The following PSMD11 variants were observed in gnomAD, a reference collection of about 807,000 sequenced individuals.
PSMD11 encodes 26S proteasome non-ATPase regulatory subunit 11.
Under a neutral mutation model 62.3 loss-of-function variants are expected in PSMD11, and 5 were observed. The ratio of observed to expected loss-of-function variants is 0.08; its 90% CI spans 0.04 to 0.17. PSMD11 has a LOEUF of 0.17. PSMD11 is among the 10% of genes least tolerant of loss of function. The probability of loss-of-function intolerance (pLI) is 1.00; values close to 1 mark genes in which losing one functional copy is unlikely to be tolerated. For missense variants in PSMD11, 310 were observed against 512.9 expected, an observed-to-expected ratio of 0.60 and a Z score of 3.82; for synonymous variants, 191 against 191.8, an observed-to-expected ratio of 1.00 and a Z score of 0.03.
Position 32,473,785 on chromosome 17 carries a change from T to C in PSMD11, c.644-16T>C. 6.2e-7 allele frequency: 1 copy of C among 1,612,670 alleles called. No homozygotes were observed. Among genetic ancestry groups the C allele is most frequent in the Non-Finnish European group, 8.5e-7 (1 of 1,178,818 alleles). On this transcript the variant is annotated splice_polypyrimidine_tract_variant and intron_variant, in intron 6 of 13. Transcript: ENST00000261712. ...ATTATTTTATATGTTCTTATTCCTT[T>C]CTTTTCAATGCCCAGGTATTATCCA...
At chr17:32,477,296 T>G (rs182185481) in intron 8 of PSMD11, 2 of 402,944 alleles carry the variant, frequency 5.0e-6, no homozygotes, top group African/African-American at 2.0e-5. Context: ...AATTTCTGTT[T>G]CCTAGTATTA....
intron 1 of PSMD11, among the ~76,000 whole-genome samples, chr17:32,446,512 TAACTTGGTC>T (rs1330357644): frequency 6.6e-6 from 1 of 152,206 alleles, no homozygotes; most frequent in Non-Finnish European, 1.5e-5. Flanking sequence ...CAGGCATCAG[TAACTTGGTC>T]AATTGATTTT....
chr17:32,445,084 G>C lies in PSMD11; in HGVS notation c.91+470G>C, dbSNP rs185708841. On this transcript the variant is annotated intron_variant, in intron 1 of 13. Coordinates refer to ENST00000261712, the MANE Select transcript of PSMD11 (RefSeq NM_002815.4). ...GCCTGCTCCGGGTGGGAGCGCGAGCGCTTGCTCTTCTCTGGGAGTTTCCTT... is the reference window on the plus strand; with the variant it reads ...GCCTGCTCCGGGTGGGAGCGCGAGCCCTTGCTCTTCTCTGGGAGTTTCCTT... The C allele has an allele frequency of 4.6e-3, 737 of 158,722 alleles. 5 individuals are homozygous for C. Among genetic ancestry groups the C allele is most frequent in the African/African-American group, 0.016 (649 of 41,684 alleles). 9.8% of individuals were successfully genotyped at this position (158,722 alleles called of 1,614,324 possible).
intron 2 of PSMD11, among the ~76,000 whole-genome samples, chr17:32,451,969 G>A (rs1597830935): frequency 6.6e-6 from 1 of 152,178 alleles, no homozygotes; most frequent in Admixed American, 6.5e-5. Context: ...GGCTCAAGCA[G>A]TCTGCCTGTC....
chr17:32,476,304 A>G (rs1240032473), intron 8 of PSMD11, among the ~76,000 whole-genome samples: 1 of 152,190 alleles, frequency 6.6e-6, no homozygotes, highest in Admixed American at 6.5e-5. Flanking sequence ...TACTCTCACT[A>G]TAACTAGAGT....
chr17:32,466,104 T>A (rs759399392), intron 5 of PSMD11, among the ~76,000 whole-genome samples: 21 of 152,336 alleles, frequency 1.4e-4, no homozygotes, highest in Non-Finnish European at 2.5e-4. Context: ...CAAGCGATTC[T>A]CCTGTCTCGG....
chr17:32,464,235 C>T (rs192052641), intron 4 of PSMD11, 115 bp downstream of exon 4: 215 of 1,005,702 alleles, frequency 2.1e-4, no homozygotes, highest in African/African-American at 1.3e-3. Flanking sequence ...ACCTAGATAC[C>T]GAAAGATTAT....
At chr17:32,471,695 T>C (rs1363241304) in intron 6 of PSMD11, among the ~76,000 whole-genome samples, 1 of 151,950 alleles carries the variant, frequency 6.6e-6, no homozygotes, top group East Asian at 1.9e-4. Context: ...ACTGGAATGG[T>C]GGTGAGAAGC....
intron 9 of PSMD11, 31 bp from the exon 10 acceptor site, chr17:32,479,220 T>C (rs1908419443): frequency 6.2e-7 from 1 of 1,611,306 alleles, no homozygotes; most frequent in Non-Finnish European, 8.5e-7. Context: ...TGATTCTCTG[T>C]GCCAATCTCT....
intron 3 of PSMD11, among the ~76,000 whole-genome samples, chr17:32,457,973 G>T (rs1907700054): frequency 6.6e-6 from 1 of 151,916 alleles, no homozygotes; most frequent in Admixed American, 6.6e-5. Context: ...GCTAATTTTT[G>T]TATTTTTAGT....
intron 10 of PSMD11, chr17:32,479,598 C>T (rs906073869): frequency 4.2e-6 from 3 of 719,178 alleles, no homozygotes; most frequent in African/African-American, 1.8e-5. Flanking sequence ...TGAGCAGTTT[C>T]CTCCTCGCTT....
At chr17:32,458,764 A>G (rs1323864680) in intron 3 of PSMD11, among the ~76,000 whole-genome samples, 1 of 152,164 alleles carries the variant, frequency 6.6e-6, no homozygotes. Context: ...TTATTGCCTT[A>G]TGCTTCAAAC....
At chr17:32,456,068 C>T (rs893420919) in intron 3 of PSMD11, among the ~76,000 whole-genome samples, 16 of 143,430 alleles carry the variant, frequency 1.1e-4, no homozygotes, top group Non-Finnish European at 6.0e-5. Flanking sequence ...GGCGTGAACC[C>T]GGGAGGCGGA....
chr17:32,476,076 C>T (rs1177362870), intron 8 of PSMD11, among the ~76,000 whole-genome samples: 2 of 151,842 alleles, frequency 1.3e-5, no homozygotes, highest in Admixed American at 6.6e-5. Context: ...GCAGCCTGGC[C>T]AATGTGGCAA....
chr17:32,481,363 ACAG>A lies in PSMD11; in HGVS notation c.*628_*630del, dbSNP rs958564449. On this transcript the variant is annotated 3_prime_UTR_variant, in exon 14 of 14. Transcript: ENST00000261712. ...CACCACCACCACCACTGCAGCAACA[ACAG>A]CAGCAGCAGCAGCAGCGCCTGCATA... 4.7e-4 allele frequency: 76 copies of A among 161,646 alleles called. No homozygotes were observed. Among genetic ancestry groups the A allele is most frequent in the Non-Finnish European group, 8.0e-4 (59 of 73,344 alleles). The allele number at this position is 161,646 out of a possible 1,614,324, so 10.0% of individuals were successfully genotyped here.
intron 5 of PSMD11, among the ~76,000 whole-genome samples, chr17:32,466,136 C>CAGGCACCTGTCACCATGCCTGGCT (rs1383619006): frequency 1.7e-4 from 26 of 152,324 alleles, no homozygotes; most frequent in African/African-American, 6.3e-4. Flanking sequence ...GCAGAGATTA[C>CAGGCACCTGTCACCATGCCTGGCT]AGGCACCTGT....
At chr17:32,464,960 T>C (rs535817797) in intron 5 of PSMD11, among the ~76,000 whole-genome samples, 1 of 152,270 alleles carries the variant, frequency 6.6e-6, no homozygotes, top group South Asian at 2.1e-4. Flanking sequence ...CTATATCTGC[T>C]TATATACTTA....
At chr17:32,450,811 A>G (rs1017666253) in intron 2 of PSMD11, among the ~76,000 whole-genome samples, 1 of 152,042 alleles carries the variant, frequency 6.6e-6, no homozygotes, top group Non-Finnish European at 1.5e-5. Flanking sequence ...TAATCCCAGG[A>G]CTTTGGGAAG....
Position 32,480,828 on chromosome 17 carries a change from T to G in PSMD11, c.*76T>G, listed in dbSNP as rs1908466705. 3.7e-6 allele frequency: 2 copies of G among 547,040 alleles called. No individual in the cohort carries two copies. Among genetic ancestry groups the G allele is most frequent in the Non-Finnish European group, 6.0e-6 (2 of 334,666 alleles). 33.9% of individuals were successfully genotyped at this position (547,040 alleles called of 1,614,324 possible). A position where few individuals can be genotyped will look rare whatever the true frequency, so the allele number is the denominator to read the frequency against. On this transcript the variant is annotated 3_prime_UTR_variant, in exon 14 of 14. Coordinates refer to ENST00000261712, the MANE Select transcript of PSMD11 (RefSeq NM_002815.4). The stretch of plus-strand genomic sequence containing the variant: ...ACCTTGGGGGAAAATGCTAGGAGAT[T>G]CTTTTTTCTTTTTGTTCTACTTTTC...
Sources: allele counts gnomAD v4.1 joint callset (sites outside exome capture counted in the v4.1 genomes callset), GRCh38; gene constraint gnomAD v4.1.1; transcripts MANE v1.5; gene names NCBI Gene and HGNC (gene_info 2026-07-23, HGNC 2026-07-21).